The following ARHGAP30 variants were observed in gnomAD, a reference collection of about 807,000 sequenced individuals.
The protein encoded by ARHGAP30 is Rho GTPase activating protein 30.
Under a neutral mutation model 72.0 loss-of-function variants are expected in ARHGAP30, and 23 were observed. The ratio of observed to expected loss-of-function variants is 0.32; its 90% CI spans 0.23 to 0.45. The LOEUF (loss-of-function observed/expected upper bound fraction) is 0.45, where lower values mean the gene tolerates loss of function less well. Among genes scored for constraint, ARHGAP30 ranks in the 20% least tolerant of loss-of-function variants. The pLI is 1.00. For missense variants in ARHGAP30, 1,319 were observed against 1,383.4 expected (o/e 0.95, Z 0.74); for synonymous variants, 576 against 528.2 (o/e 1.09, Z -1.24).
At chr1:161,059,507 C>T in intron 2 of ARHGAP30, 107 bp downstream of exon 2, 1 of 911,776 alleles carries the variant, frequency 1.1e-6, no homozygotes, top group Non-Finnish European at 1.7e-6. Flanking sequence ...TTTCCTTCTC[C>T]CCACTGCCTC....
chr1:161,058,314 A>AAAAT (rs566349493), intron 2 of ARHGAP30, among the ~76,000 whole-genome samples: 132 of 150,388 alleles, frequency 8.8e-4, no homozygotes, highest in Middle Eastern at 7.0e-3. Context: ...TCCATCCCAA[A>AAAAT]AAATAAATAA....
At chr1:161,061,322 C>G (rs1324774075) in intron 1 of ARHGAP30, among the ~76,000 whole-genome samples, 1 of 151,632 alleles carries the variant, frequency 6.6e-6, no homozygotes, top group Admixed American at 6.6e-5. Context: ...CGCGCCACCA[C>G]GCCCAGCTAA....
chr1:161,047,047 A>G lies in ARHGAP30; in HGVS notation c.*668T>C, dbSNP rs1408759047. On this transcript the variant is annotated 3_prime_UTR_variant, in exon 12 of 12. Coordinates refer to ENST00000368013, the MANE Select transcript of ARHGAP30 (RefSeq NM_001025598.2). Reference sequence around the variant, plus strand: ...GCAGTCCCAGGGCCTGAGTGACACCATTTCCCTTTCCTGAAATAGGAACAA... The same window carrying G: ...GCAGTCCCAGGGCCTGAGTGACACCGTTTCCCTTTCCTGAAATAGGAACAA... The G allele has an allele frequency of 8.7e-6, 4 of 457,724 alleles. No individual in the cohort carries two copies. The highest frequency in any genetic ancestry group is 8.2e-5 in the African/African-American group (4 of 49,006). The allele number at this position is 457,724 out of a possible 1,614,324, so 28.4% of individuals were successfully genotyped here.
At chr1:161,067,535 A>G (rs1284489163) in intron 1 of ARHGAP30, among the ~76,000 whole-genome samples, 1 of 151,686 alleles carries the variant, frequency 6.6e-6, no homozygotes. Context: ...ACCCCACTAC[A>G]CTCCAGCCTG....
rs372863381 is a variant in ARHGAP30 at position 161,052,490 on chromosome 1, C to T, written c.890G>A (p.Arg297His). 3.7e-6 allele frequency: 6 copies of T among 1,613,636 alleles called. No individual in the cohort carries two copies. Among genetic ancestry groups the T allele is most frequent in the Non-Finnish European group, 5.1e-6 (6 of 1,180,006 alleles). ...RKWRSIFNLG[R>H]SGHETKRKLP... ...TTTACGCTTAGTCTCATGGCCAGAGCGACCTAAATTGAAGATAGACCTCCA... is the reference window on the plus strand; with the variant it reads ...TTTACGCTTAGTCTCATGGCCAGAGTGACCTAAATTGAAGATAGACCTCCA... Residue 297 changes from arginine to histidine, a missense_variant, in exon 8 of 12, where the codon CGC becomes CAC. By Grantham distance (29) the Arg-to-His change is conservative. This residue lies in a region of ARHGAP30 where 1,097 missense variants were observed against 1,045.2 expected (regional missense o/e 1.05). Coordinates refer to ENST00000368013, the MANE Select transcript of ARHGAP30 (RefSeq NM_001025598.2).
At chr1:161,053,215 C>T in intron 6 of ARHGAP30, 43 bp downstream of exon 6, 3 of 1,609,204 alleles carry the variant, frequency 1.9e-6, no homozygotes, top group Non-Finnish European at 2.5e-6. Context: ...ACTAACTTGA[C>T]TCCCCAACAG....
chr1:161,050,455 C>T (rs1289207234), intron 10 of ARHGAP30, among the ~76,000 whole-genome samples: 11 of 151,430 alleles, frequency 7.3e-5, no homozygotes, highest in Admixed American at 4.6e-4. Context: ...TGCCTCACCA[C>T]GCACGCCTGG....
intron 3 of ARHGAP30, among the ~76,000 whole-genome samples, chr1:161,055,083 G>T (rs899569036): frequency 7.2e-5 from 11 of 152,194 alleles, no homozygotes; most frequent in African/African-American, 2.7e-4. Flanking sequence ...TGTGGACTGA[G>T]CAGGGTGCTG....
rs1652970293 is a variant in ARHGAP30, at chr1:161,069,033, G to GCC, written c.97+493_97+494dup. ...CCAGCAAGGCTGCAGTGGGAACAGA[G>GCC]CCCATGACCTTGTCCTTGGGTGTTC... On this transcript the variant is annotated intron_variant, in intron 1 of 11. Coordinates refer to ENST00000368013, the MANE Select transcript of ARHGAP30 (RefSeq NM_001025598.2). This position sits in a 1 kb window ranked among gnomAD's most constrained non-coding sequence, Gnocchi z 4.9. 1.3e-5 allele frequency among the ~76,000 whole-genome samples: 2 copies of GCC among 152,232 alleles called. No homozygotes were observed. The highest frequency in any genetic ancestry group is 4.2e-4 in the South Asian group (2 of 4,818).
chr1:161,051,556 C>T lies in ARHGAP30; in HGVS notation c.1178G>A (p.Arg393Gln), dbSNP rs762472624. The T allele has an allele frequency of 1.1e-5, 18 of 1,614,000 alleles. No individual in the cohort carries two copies. In the East Asian group the frequency reaches 2.0e-4, roughly 18 times the overall value. ...NSEPGTPRAG[R>Q]SAIRAGGSSR... ...GCTGCCCCCAGCCCGGATGGCTGAC[C>T]GCCCAGCTCGTGGTGTGCCTGGTTC... The change falls in exon 10 of 12, where the codon CGG (arginine) becomes CAG (glutamine). Residue 393 changes from arginine (R) to glutamine (Q), a missense_variant. Around this residue, in one of 2 missense-constraint regions of ARHGAP30, gnomAD observed 1,097 missense variants for 1,045.2 expected, o/e 1.05. Coordinates refer to ENST00000368013, the MANE Select transcript of ARHGAP30 (RefSeq NM_001025598.2).
intron 2 of ARHGAP30, among the ~76,000 whole-genome samples, chr1:161,059,216 A>G (rs943093209): frequency 6.6e-6 from 1 of 151,944 alleles, no homozygotes; most frequent in South Asian, 2.1e-4. Flanking sequence ...TTTAGTAGAG[A>G]CGGGGTTTCA....
intron 2 of ARHGAP30, among the ~76,000 whole-genome samples, chr1:161,058,442 CAT>C (rs2102054653): frequency 6.6e-6 from 1 of 151,900 alleles, no homozygotes; most frequent in East Asian, 1.9e-4. Context: ...GCCTGGCTAA[CAT>C]AGTGAAACCC....
rs2102042043 is a variant in ARHGAP30, at chr1:161,053,903, A to C, written c.536+463T>G. ...CAACATGGTGAAACCCCTTCTCTCT[A>C]CTAAAAATACAAAAATTAGCCAGGC... On this transcript the variant is annotated intron_variant, in intron 5 of 11. Coordinates refer to ENST00000368013, the MANE Select transcript of ARHGAP30 (RefSeq NM_001025598.2). Among the ~76,000 whole-genome samples, 3 of 152,266 alleles carry C rather than the reference A, an allele frequency of 2.0e-5. No homozygotes were observed. In the South Asian group the frequency reaches 6.2e-4, roughly 32 times the overall value.
chr1:161,047,754 A>G lies in ARHGAP30; in HGVS notation c.3267T>C (p.Phe1089=). The G allele has an allele frequency of 6.5e-7, 1 of 1,541,080 alleles. No homozygotes were observed. The highest frequency in any genetic ancestry group is 8.7e-7 in the Non-Finnish European group (1 of 1,146,766). ...CTTTCCCAGGGTTAGCCTGTGTTTC[A>G]AATGCATATGACCTGCGCTGAGAGG... ...LLSSQRRSYA[F]ETQANPGKGE... The change falls in exon 12 of 12, where the codon TTT becomes TTC. Residue 1089 remains phenylalanine (F), a synonymous_variant. Transcript: ENST00000368013.
At position 161,069,492 on chromosome 1, in the gene ARHGAP30, C is replaced by T. The variant is rs1335377416; in HGVS notation, c.97+36G>A. The T allele has an allele frequency of 1.9e-6, 3 of 1,594,838 alleles. No homozygotes were observed. Among genetic ancestry groups the T allele is most frequent in the Middle Eastern group, 3.3e-4 (2 of 6,062 alleles). On this transcript the variant is annotated intron_variant, in intron 1 of 11. Transcript: ENST00000368013. This position sits in a 1 kb window ranked among gnomAD's most constrained non-coding sequence, Gnocchi z 4.9. ...CGGGCTGCAGATGCCCAGTGCCTCC[C>T]CACCCACCCTGCAGAAGCTGAGCCG... is the stretch of plus-strand genomic sequence containing the variant.
intron 3 of ARHGAP30, among the ~76,000 whole-genome samples, chr1:161,055,406 T>A (rs1369888667): frequency 2.0e-5 from 3 of 152,052 alleles, no homozygotes; most frequent in Non-Finnish European, 4.4e-5. Context: ...GGTAGGAGGA[T>A]CACTTGAGCC....
Position 161,053,255 on chromosome 1 carries a change from G to A in ARHGAP30, c.664+3C>T. ...ATATGTGGAGGGCAGGAAGGACACT[G>A]ACCAGAGAGGGCAGCACCCCCAAAG... On this transcript the variant is annotated splice_donor_region_variant and intron_variant, in intron 6 of 11. Coordinates refer to ENST00000368013, the MANE Select transcript of ARHGAP30 (RefSeq NM_001025598.2). 1 of 1,613,822 alleles carries A rather than the reference G, an allele frequency of 6.2e-7. No homozygotes were observed. The highest frequency in any genetic ancestry group is 8.5e-7 in the Non-Finnish European group (1 of 1,179,982).
chr1:161,052,510 C>A lies in ARHGAP30; in HGVS notation c.870G>T (p.Arg290Ser), dbSNP rs1435967607. ...CAGAGCGACCTAAATTGAAGATAGA[C>A]CTCCACTTCCTGACCTTCAAAGACC... ...RKGSLKVRKW[R>S]SIFNLGRSGH... The change falls in exon 8 of 12, where the codon AGG becomes AGT. Residue 290 changes from arginine (R) to serine (S), a missense_variant. Physicochemically the swap from Arg to Ser is moderately radical, Grantham distance 110. Coordinates refer to ENST00000368013, the MANE Select transcript of ARHGAP30 (RefSeq NM_001025598.2). 7.4e-6 allele frequency: 12 copies of A among 1,613,860 alleles called. No homozygotes were observed. The highest frequency in any genetic ancestry group is 1.0e-5 in the Non-Finnish European group (12 of 1,180,024).
At chr1:161,059,745 G>T in intron 1 of ARHGAP30, 29 bp from the exon 2 acceptor site, 1 of 1,586,156 alleles carries the variant, frequency 6.3e-7, no homozygotes. Flanking sequence ...CAGAGACATA[G>T]AAATCAGAGG....
Sources: allele counts gnomAD v4.1 joint callset (sites outside exome capture counted in the v4.1 genomes callset), GRCh38; gene constraint gnomAD v4.1.1; regional missense constraint gnomAD v4.1.1; non-coding constraint Gnocchi (gnomAD v3.1); transcripts MANE v1.5; gene names NCBI Gene and HGNC (gene_info 2026-07-23, HGNC 2026-07-21).